ST18: variants seen among roughly 807,000 people sequenced by gnomAD.
ST18 encodes ST18 C2H2C-type zinc finger transcription factor, also known as suppression of tumorigenicity 18 protein.
A neutral mutation model predicts 110.0 loss-of-function variants in ST18; 50 were observed. The ratio of observed to expected loss-of-function variants is 0.45; its 90% confidence interval spans 0.36 to 0.58. ST18 has a LOEUF of 0.58. ST18 is among the 20% of genes least tolerant of loss of function. ST18 has a pLI of 0.00. For missense variants in ST18, 1,306 were observed against 1,280.1 expected (o/e 1.02, Z -0.31); for synonymous variants, 461 against 452.4 (o/e 1.02, Z -0.24).
chr8:52,312,689 T>C (rs1391919336), intron 2 of ST18, among the ~76,000 whole-genome samples: 1 of 152,102 alleles, frequency 6.6e-6, no homozygotes, highest in Non-Finnish European at 1.5e-5. Flanking sequence ...GAAAATGGAG[T>C]GCACAGCAGT....
At chr8:52,357,901 C>T (rs1388595533) in intron 2 of ST18, among the ~76,000 whole-genome samples, 2 of 150,792 alleles carry the variant, frequency 1.3e-5, no homozygotes, top group Admixed American at 6.6e-5. Context: ...ACAGAATACA[C>T]ATTTTCTCAA....
chr8:52,195,434 T>C, intron 8 of ST18, among the ~76,000 whole-genome samples: 1 of 152,062 alleles, frequency 6.6e-6, no homozygotes, highest in East Asian at 1.9e-4. Flanking sequence ...TTTCAAACAG[T>C]GTTATAAAAC....
At chr8:52,360,528 A>G (rs1825269199) in intron 2 of ST18, among the ~76,000 whole-genome samples, 1 of 152,126 alleles carries the variant, frequency 6.6e-6, no homozygotes, top group African/African-American at 2.4e-5. Context: ...TTATACCTAA[A>G]CAAATATTTT....
At chr8:52,285,148 C>G (rs2095447542) in intron 2 of ST18, among the ~76,000 whole-genome samples, 1 of 152,134 alleles carries the variant, frequency 6.6e-6, no homozygotes, top group African/African-American at 2.4e-5. Flanking sequence ...TTCTAAGACC[C>G]TTTTCAGTTC....
chr8:52,169,700 G>A (rs1347806466), intron 10 of ST18, among the ~76,000 whole-genome samples: 3 of 152,132 alleles, frequency 2.0e-5, no homozygotes, highest in African/African-American at 7.2e-5. Context: ...TCCCACATCG[G>A]GAACAAGGAA....
In ST18 at chr8:52,367,234, T is replaced by TCACACACACACACACACACACACA. The variant is rs1491543543; in HGVS notation, c.-465+42093_-465+42094insTGTGTGTGTGTGTGTGTGTGTGTG. ...GCCTGGGTGACAGAGCGGGACCCTGTCTCACACACACACACACACACACAC... is the reference window on the plus strand; with the variant it reads ...GCCTGGGTGACAGAGCGGGACCCTGTCACACACACACACACACACACACACTCACACACACACACACACACACAC... On this transcript the variant is annotated intron_variant, in intron 2 of 25. Transcript: ENST00000689386. 9.7e-3 allele frequency among the ~76,000 whole-genome samples: 1,015 copies of TCACACACACACACACACACACACA among 104,442 alleles called. 27 individuals carry two copies. The highest frequency in any genetic ancestry group is 0.015 in the Non-Finnish European group (770 of 52,054). 68.5% of individuals were successfully genotyped at this position (104,442 alleles called of 152,430 possible).
At chr8:52,383,862 C>T (rs1254609254) in intron 2 of ST18, among the ~76,000 whole-genome samples, 1 of 152,164 alleles carries the variant, frequency 6.6e-6, no homozygotes. Flanking sequence ...ATCCTCCTGC[C>T]TCAGCCTCCT....
chr8:52,363,603 T>G (rs1194002775), intron 2 of ST18, among the ~76,000 whole-genome samples: 1 of 152,238 alleles, frequency 6.6e-6, no homozygotes, highest in South Asian at 2.1e-4. Context: ...TATCTAGCAG[T>G]GCCTTTTCAT....
chr8:52,375,100 T>C (rs944120866), intron 2 of ST18, among the ~76,000 whole-genome samples: 3 of 152,016 alleles, frequency 2.0e-5, no homozygotes, highest in African/African-American at 7.3e-5. Flanking sequence ...TCTTTTACTC[T>C]CTCTTTCTCT....
chr8:52,116,259 C>T lies in ST18; in HGVS notation c.3003+16G>A. 6.2e-7 allele frequency: 1 copy of T among 1,610,184 alleles called. No homozygotes were observed. Among genetic ancestry groups the T allele is most frequent in the South Asian group, 1.1e-5 (1 of 90,378 alleles). ...ATGCTTGTAATGGAATGGCAAGGTT[C>T]TGGCCTTGAACTTACCATCTGTGGA... On this transcript the variant is annotated intron_variant, in intron 25 of 25. Transcript: ENST00000689386.
intron 6 of ST18, among the ~76,000 whole-genome samples, chr8:52,216,852 T>C (rs1467588019): frequency 6.6e-6 from 1 of 152,202 alleles, no homozygotes; most frequent in Non-Finnish European, 1.5e-5. Context: ...GTCCAAGTAA[T>C]GGATCATTAG....
intron 2 of ST18, among the ~76,000 whole-genome samples, chr8:52,399,490 CTT>C (rs146299328): frequency 1.4e-5 from 2 of 144,848 alleles, no homozygotes; most frequent in African/African-American, 2.5e-5. Context: ...AGTTGTTACT[CTT>C]TTTTTTTTAG....
At chr8:52,346,161 TTTA>T (rs1817681602) in intron 2 of ST18, among the ~76,000 whole-genome samples, 1 of 151,000 alleles carries the variant, frequency 6.6e-6, no homozygotes, top group African/African-American at 2.4e-5. Flanking sequence ...ATATGTAAAA[TTTA>T]TTTTATTTTA....
At chr8:52,212,810 G>A (rs1406616744) in intron 7 of ST18, among the ~76,000 whole-genome samples, 1 of 152,012 alleles carries the variant, frequency 6.6e-6, no homozygotes, top group Non-Finnish European at 1.5e-5. Flanking sequence ...CTCTACTAAG[G>A]GTGTTCATGC....
At chr8:52,160,673 T>A (rs796254662) in intron 14 of ST18, among the ~76,000 whole-genome samples, 1 of 152,236 alleles carries the variant, frequency 6.6e-6, no homozygotes, top group Non-Finnish European at 1.5e-5. Context: ...TTCATTAGAA[T>A]GTTTAAGGAC....
chr8:52,351,465 A>G (rs1485987420), intron 2 of ST18, among the ~76,000 whole-genome samples: 1 of 152,234 alleles, frequency 6.6e-6, no homozygotes, highest in Non-Finnish European at 1.5e-5. Context: ...TATTTTTCAC[A>G]CAATGGTTCC....
chr8:52,303,261 T>C (rs2139574059), intron 2 of ST18, among the ~76,000 whole-genome samples: 2 of 152,366 alleles, frequency 1.3e-5, no homozygotes, highest in East Asian at 3.9e-4. Context: ...CCAGTGGCCA[T>C]GGGCAGTCCT....
At chr8:52,365,689 T>C (rs1280015658) in intron 2 of ST18, among the ~76,000 whole-genome samples, 1 of 151,238 alleles carries the variant, frequency 6.6e-6, no homozygotes, top group Admixed American at 6.6e-5. Flanking sequence ...AGGCACAATT[T>C]TGGGTTTGGG....
intron 9 of ST18, among the ~76,000 whole-genome samples, chr8:52,179,249 C>T (rs947240188): frequency 1.3e-5 from 2 of 152,152 alleles, no homozygotes; most frequent in Non-Finnish European, 2.9e-5. Flanking sequence ...GATATTCAAA[C>T]TCCTAGAGGC....
Sources: allele counts gnomAD v4.1 joint callset (sites outside exome capture counted in the v4.1 genomes callset), GRCh38; gene constraint gnomAD v4.1.1; transcripts MANE v1.5; gene names NCBI Gene and HGNC (gene_info 2026-07-23, HGNC 2026-07-21).